Variants in SLC45A2 observed in about 807,000 individuals in gnomAD.
SLC45A2 encodes the protein membrane-associated transporter protein.
A neutral mutation model predicts 45.5 loss-of-function variants in SLC45A2; 36 were observed. That is an observed-to-expected ratio of 0.79 (90% CI 0.61 to 1.04). The LOEUF (loss-of-function observed/expected upper bound fraction) is 1.04. SLC45A2 is among the 50% of genes least tolerant of loss of function. The pLI is 0.00. For synonymous variants in SLC45A2, 306 were observed against 269.3 expected (o/e 1.14, Z -1.33); for missense variants, 719 against 671.0 (o/e 1.07, Z -0.79).
At chr5:33,971,007 C>T in intron 2 of SLC45A2, 1 of 499,312 alleles carries the variant, frequency 2.0e-6, no homozygotes, top group South Asian at 1.5e-5. Context: ...GATCTGAAGG[C>T]CCTAAAAAGT....
At position 33,944,663 on chromosome 5, in the gene SLC45A2, AACAAAGAGAGCG is replaced by A; in HGVS notation, c.1566_1577del (p.Ala523_Val526del). ...CTTTATTGACCTAATCCACATATCT[AACAAAGAGAGCG>A]ACAAAGCAACAGCCTATCAGTGCCA... On this transcript the variant is annotated inframe_deletion, in exon 7 of 7. Transcript: ENST00000296589. The A allele has an allele frequency of 6.2e-7, 1 of 1,614,150 alleles. No homozygotes were observed. Among genetic ancestry groups the A allele is most frequent in the East Asian group, 2.2e-5 (1 of 44,888 alleles).
At chr5:33,973,164 C>T (rs1239675212) in intron 2 of SLC45A2, among the ~76,000 whole-genome samples, 5 of 152,252 alleles carry the variant, frequency 3.3e-5, no homozygotes, top group East Asian at 3.9e-4. Context: ...AAAGCACTTT[C>T]GAGCAGAGGA....
chr5:33,965,951 G>A (rs760767155), intron 2 of SLC45A2, among the ~76,000 whole-genome samples: 17 of 152,088 alleles, frequency 1.1e-4, no homozygotes, highest in East Asian at 3.9e-4. Context: ...TTCCTTTTTC[G>A]AAACTATCAT....
intron 2 of SLC45A2, among the ~76,000 whole-genome samples, chr5:33,966,427 C>CTTTTTTTTT (rs367752652): frequency 2.1e-5 from 2 of 95,196 alleles, no homozygotes; most frequent in African/African-American, 4.4e-5. Flanking sequence ...AAGCTACTTT[C>CTTTTTTTTT]TTTTTTTTTT....
chr5:33,951,461 T>A (rs751548790), intron 5 of SLC45A2, 93 bp downstream of exon 5: 81 of 1,607,082 alleles, frequency 5.0e-5, no homozygotes, highest in Non-Finnish European at 6.7e-5. Context: ...TCTGGTATTT[T>A]AAACAGTAGG....
At chr5:33,963,578 G>T (rs1205699399) in intron 3 of SLC45A2, 113 bp downstream of exon 3, 2 of 1,190,848 alleles carry the variant, frequency 1.7e-6, no homozygotes, top group East Asian at 4.7e-5. Context: ...AATTCAGTTA[G>T]ACCCCATGAA....
At chr5:33,965,333 T>C (rs1752577591) in intron 2 of SLC45A2, among the ~76,000 whole-genome samples, 1 of 152,244 alleles carries the variant, frequency 6.6e-6, no homozygotes, top group South Asian at 2.1e-4. Flanking sequence ...TGAATCCTAA[T>C]TTATTCAAAT....
chr5:33,954,097 A>T (rs1364945144), intron 4 of SLC45A2, among the ~76,000 whole-genome samples: 1 of 151,884 alleles, frequency 6.6e-6, no homozygotes, highest in Non-Finnish European at 1.5e-5. Context: ...TTAGACTCCC[A>T]CACATTAATA....
chr5:33,978,820 C>CA (rs910955707), intron 2 of SLC45A2, among the ~76,000 whole-genome samples: 10 of 152,158 alleles, frequency 6.6e-5, no homozygotes, highest in Non-Finnish European at 1.5e-4. Context: ...GGTTGTGTTC[C>CA]AAGCCATAGT....
intron 3 of SLC45A2, among the ~76,000 whole-genome samples, chr5:33,960,048 C>A (rs922053292): frequency 3.3e-5 from 5 of 151,876 alleles, no homozygotes; most frequent in Admixed American, 2.0e-4. Flanking sequence ...TTTTGTAAAC[C>A]GCTTAGCTAA....
chr5:33,946,775 A>C, intron 6 of SLC45A2: 3 of 1,134,730 alleles, frequency 2.6e-6, no homozygotes, highest in East Asian at 5.9e-5. Flanking sequence ...TATTGTCGGT[A>C]TCTAGAAATG....
chr5:33,969,600 G>A (rs1248455985), intron 2 of SLC45A2, among the ~76,000 whole-genome samples: 2 of 152,152 alleles, frequency 1.3e-5, no homozygotes, highest in Non-Finnish European at 1.5e-5. Context: ...AAAGCCCTTA[G>A]GCTGCGAAGG....
intron 1 of SLC45A2, among the ~76,000 whole-genome samples, chr5:33,983,135 C>A (rs1753130731): frequency 6.6e-6 from 1 of 152,300 alleles, no homozygotes; most frequent in African/African-American, 2.4e-5. Context: ...AGGTCAGAGG[C>A]CACATCTTTG....
At chr5:33,979,218 T>C (rs1008090851) in intron 2 of SLC45A2, among the ~76,000 whole-genome samples, 1 of 152,244 alleles carries the variant, frequency 6.6e-6, no homozygotes, top group Non-Finnish European at 1.5e-5. Flanking sequence ...AAGATGTACA[T>C]TGGTTTGGTC....
intron 1 of SLC45A2, among the ~76,000 whole-genome samples, chr5:33,983,465 A>G (rs1218375338): frequency 6.6e-6 from 1 of 152,216 alleles, no homozygotes; most frequent in African/African-American, 2.4e-5. Context: ...AATATCCTAC[A>G]TTTGTACATT....
intron 3 of SLC45A2, among the ~76,000 whole-genome samples, chr5:33,963,348 A>T (rs955365395): frequency 1.3e-5 from 2 of 152,196 alleles, no homozygotes; most frequent in African/African-American, 2.4e-5. Flanking sequence ...GGAGGAAAAA[A>T]TTTCTAATTT....
intron 1 of SLC45A2, among the ~76,000 whole-genome samples, chr5:33,983,102 G>A (rs1178612576): frequency 6.6e-6 from 1 of 152,132 alleles, no homozygotes; most frequent in Non-Finnish European, 1.5e-5. Context: ...CATCTCTAAC[G>A]GTCTCTGCTG....
At chr5:33,957,484 C>G (rs1752309799) in intron 3 of SLC45A2, among the ~76,000 whole-genome samples, 1 of 152,072 alleles carries the variant, frequency 6.6e-6, no homozygotes, top group Non-Finnish European at 1.5e-5. Flanking sequence ...GCCCACTGAC[C>G]ATAACTATAC....
At chr5:33,975,888 C>G (rs893815755) in intron 2 of SLC45A2, among the ~76,000 whole-genome samples, 1 of 152,122 alleles carries the variant, frequency 6.6e-6, no homozygotes, top group Non-Finnish European at 1.5e-5. Context: ...CCCCATTCCC[C>G]CTTCCTTCTC....
Sources: gnomAD v4.1 joint callset for allele counts (sites outside exome capture counted in the v4.1 genomes callset) on GRCh38, gnomAD v4.1.1 for gene constraint, MANE v1.5 for transcripts, NCBI Gene and HGNC (gene_info 2026-07-23, HGNC 2026-07-21) for gene names.